IGSF5: variants seen among roughly 807,000 people sequenced by gnomAD.
IGSF5 encodes immunoglobulin superfamily member 5.
A neutral mutation model predicts 39.4 loss-of-function variants in IGSF5; 41 were observed. The ratio of observed to expected loss-of-function variants is 1.04; its 90% CI spans 0.81 to 1.35. The LOEUF (loss-of-function observed/expected upper bound fraction) is 1.35. Among genes scored for constraint, IGSF5 ranks in the 40% most tolerant of loss-of-function variants. The pLI, the probability that IGSF5 is intolerant of heterozygous loss-of-function variation, is 0.00. For missense variants in IGSF5, 487 were observed against 494.6 expected (o/e 0.98, Z 0.15); for synonymous variants, 183 against 175.3 (o/e 1.04, Z -0.34).
intron 8 of IGSF5, among the ~76,000 whole-genome samples, chr21:39,796,817 G>A (rs990261597): frequency 3.0e-4 from 46 of 152,224 alleles, no homozygotes; most frequent in Non-Finnish European, 5.6e-4. Flanking sequence ...ACACTTTTCC[G>A]ATCGTGGTTG....
At chr21:39,786,261 G>GA (rs531609634) in intron 5 of IGSF5, among the ~76,000 whole-genome samples, 1 of 151,702 alleles carries the variant, frequency 6.6e-6, no homozygotes, top group Non-Finnish European at 1.5e-5. Flanking sequence ...AAATTTACAA[G>GA]AAAAAAACAA....
At chr21:39,749,716 G>T (rs977841711) in intron 2 of IGSF5, among the ~76,000 whole-genome samples, 5 of 152,244 alleles carry the variant, frequency 3.3e-5, no homozygotes, top group African/African-American at 1.2e-4. Flanking sequence ...CCAAGTGGGG[G>T]CTTCCAAGTT....
At chr21:39,732,761 C>A in the IGSF5 span, among the ~76,000 whole-genome samples, 1 of 152,148 alleles carries the variant, frequency 6.6e-6, no homozygotes, top group Non-Finnish European at 1.5e-5. Context: ...AGTGGTGGCT[C>A]ATACCTGTAA....
the IGSF5 span, among the ~76,000 whole-genome samples, chr21:39,732,149 C>T: frequency 6.6e-6 from 1 of 152,156 alleles, no homozygotes; most frequent in East Asian, 1.9e-4. Flanking sequence ...ATCCTATAGC[C>T]CCAGCTGATC....
At chr21:39,712,380 C>A in the IGSF5 span, among the ~76,000 whole-genome samples, 3 of 152,108 alleles carry the variant, frequency 2.0e-5, no homozygotes, top group African/African-American at 7.2e-5. Flanking sequence ...GTGGACCAGA[C>A]GTTTTGTAAA....
chr21:39,798,413 G>A (rs534942112), intron 8 of IGSF5, among the ~76,000 whole-genome samples: 11 of 152,232 alleles, frequency 7.2e-5, no homozygotes, highest in South Asian at 2.1e-4. Flanking sequence ...TCCCTCTGCC[G>A]GGAGTCAGCT....
the IGSF5 span, chr21:39,729,057 A>G: frequency 6.6e-6 from 1 of 152,192 alleles, no homozygotes; most frequent in South Asian, 2.1e-4. Context: ...ATTAGTTGAT[A>G]TCTAGGTTTG....
the IGSF5 span, among the ~76,000 whole-genome samples, chr21:39,724,607 C>T: frequency 6.6e-6 from 1 of 152,342 alleles, no homozygotes; most frequent in South Asian, 2.1e-4. Context: ...TCCGCCATGA[C>T]TGTGAGGCTT....
chr21:39,777,311 G>A (rs2080146350), intron 4 of IGSF5, among the ~76,000 whole-genome samples: 1 of 152,130 alleles, frequency 6.6e-6, no homozygotes, highest in Admixed American at 6.5e-5. Context: ...TGCGTACAAG[G>A]GATTCCCAAA....
chr21:39,765,910 A>G, intron 3 of IGSF5, 58 bp downstream of exon 3: 1 of 1,511,582 alleles, frequency 6.6e-7, no homozygotes, highest in Non-Finnish European at 9.0e-7. Flanking sequence ...GGCAGGAAGG[A>G]CCTTCTAAAG....
chr21:39,798,918 G>T (rs1336522685), intron 8 of IGSF5, among the ~76,000 whole-genome samples: 3 of 152,162 alleles, frequency 2.0e-5, no homozygotes, highest in Non-Finnish European at 4.4e-5. Flanking sequence ...TCAGAAAAGT[G>T]GGGGCATGTC....
At chr21:39,719,374 A>C in the IGSF5 span, among the ~76,000 whole-genome samples, 1 of 152,016 alleles carries the variant, frequency 6.6e-6, no homozygotes, top group Non-Finnish European at 1.5e-5. Context: ...CACCAAAACC[A>C]GTATCTGATA....
chr21:39,785,399 C>T (rs2080195198), intron 5 of IGSF5, among the ~76,000 whole-genome samples: 1 of 152,146 alleles, frequency 6.6e-6, no homozygotes, highest in Admixed American at 6.5e-5. Flanking sequence ...GGGCTCTGTT[C>T]TGTTCCATTG....
upstream of IGSF5, among the ~76,000 whole-genome samples, chr21:39,745,157 A>ATC (rs35473597): frequency 0.31 from 44,980 of 145,584 alleles, 8,246 homozygotes; most frequent in Admixed American, 0.49. Flanking sequence ...CTCTCTCTTC[A>ATC]TCTCTCTCTC....
At chr21:39,740,214 G>A (rs917543395), upstream of IGSF5, among the ~76,000 whole-genome samples, 53 of 152,298 alleles carry the variant, frequency 3.5e-4, no homozygotes, top group African/African-American at 1.2e-3. Flanking sequence ...CCTTCTATAA[G>A]CATTTCTAAT....
intron 2 of IGSF5, among the ~76,000 whole-genome samples, chr21:39,764,184 G>A (rs996488708): frequency 2.6e-4 from 40 of 152,182 alleles, no homozygotes; most frequent in Admixed American, 5.9e-4. Context: ...TCCTGGTGGC[G>A]GCTTACTCCT....
At chr21:39,777,460 G>C (rs542416840) in intron 4 of IGSF5, among the ~76,000 whole-genome samples, 164 of 152,152 alleles carry the variant, frequency 1.1e-3, no homozygotes, top group Non-Finnish European at 9.3e-4. Context: ...GCTGTCTGTG[G>C]AGCAAGGGGA....
chr21:39,744,620 G>A (rs966804497), upstream of IGSF5, among the ~76,000 whole-genome samples: 4 of 152,202 alleles, frequency 2.6e-5, no homozygotes, highest in Non-Finnish European at 5.9e-5. Flanking sequence ...TAATTAAGAT[G>A]TAAATCCCCT....
intron 2 of IGSF5, among the ~76,000 whole-genome samples, chr21:39,760,877 C>T (rs1179573169): frequency 6.6e-6 from 1 of 152,034 alleles, no homozygotes; most frequent in Non-Finnish European, 1.5e-5. Context: ...GCTGTCAAGT[C>T]TTAAAATATG....
Sources: gnomAD v4.1 joint callset for allele counts (sites outside exome capture counted in the v4.1 genomes callset) on GRCh38, gnomAD v4.1.1 for gene constraint, MANE v1.5 for transcripts, NCBI Gene and HGNC (gene_info 2026-07-23, HGNC 2026-07-21) for gene names.